CNTNAP4: variants seen among roughly 807,000 people sequenced by gnomAD.
CNTNAP4 encodes contactin-associated protein-like 4.
Under a neutral mutation model 148.4 loss-of-function variants are expected in CNTNAP4, and 98 were observed. That is an observed-to-expected ratio of 0.66 (90% CI 0.56 to 0.78). CNTNAP4 has a LOEUF of 0.78. Among genes scored for constraint, CNTNAP4 ranks in the 30% least tolerant of loss-of-function variants. The pLI is 0.00. For synonymous variants in CNTNAP4, 730 were observed against 565.1 expected (o/e 1.29, Z -4.14); for missense variants, 1,935 against 1,565.6 (o/e 1.24, Z -3.98).
rs781635794 is a variant in CNTNAP4 at position 76,362,909 on chromosome 16, TAATAA to T, written c.390+7404_390+7408del. The stretch of plus-strand genomic sequence containing the variant: ...GTATGCCTGAACCTAAAATAGAAGT[TAATAA>T]AATAAGGAAAAAAGAATACACAATG... On this transcript the variant is annotated intron_variant, in intron 3 of 23. Transcript: ENST00000611870. Among the ~76,000 whole-genome samples, 430 of 152,078 alleles carry T rather than the reference TAATAA, an allele frequency of 2.8e-3. 2 individuals are homozygous for T. The highest frequency in any genetic ancestry group is 0.017 in the Middle Eastern group (5 of 294).
rs201609656 is a variant in CNTNAP4 at position 76,462,032 on chromosome 16, C to T, written c.1410C>T (p.Asp470=). The change falls in exon 9 of 24, where the codon GAC becomes GAT. Residue 470 remains aspartate (D), a synonymous_variant. Coordinates refer to ENST00000611870, the MANE Select transcript of CNTNAP4 (RefSeq NM_033401.5). Reference sequence around the variant, plus strand: ...AGAATCACTTGAGTGTGGCGGTGGACGGCCAGATGGCTTCTGCTGCTCCTC... The same window carrying T: ...AGAATCACTTGAGTGTGGCGGTGGATGGCCAGATGGCTTCTGCTGCTCCTC... ...AKKNHLSVAV[D]GQMASAAPLL... is the part of the protein sequence containing the mutation. 2.3e-4 allele frequency: 366 copies of T among 1,613,708 alleles called. No homozygotes were observed. The East Asian group carries it at 5.6e-3, about 25-fold the overall frequency.
chr16:76,332,877 G>A (rs934384947), intron 2 of CNTNAP4, among the ~76,000 whole-genome samples: 2 of 152,202 alleles, frequency 1.3e-5, no homozygotes, highest in South Asian at 2.1e-4. Context: ...TTCTGGCAGC[G>A]CTTGTACATA....
chr16:76,445,245 C>G (rs1243628642), intron 4 of CNTNAP4, among the ~76,000 whole-genome samples: 1 of 152,004 alleles, frequency 6.6e-6, no homozygotes, highest in Non-Finnish European at 1.5e-5. Context: ...TATCAACTAC[C>G]TTAAGTGACT....
chr16:76,505,171 T>C lies in CNTNAP4; in HGVS notation c.2365+6477T>C, dbSNP rs183239319. On this transcript the variant is annotated intron_variant, in intron 15 of 23. Transcript: ENST00000611870. ...CATATAGTCAGTTTTTTGTTATTAT[T>C]ATTGGCTTTATTCCATAGTCCCCTA... 4.3e-4 allele frequency among the ~76,000 whole-genome samples: 65 copies of C among 152,286 alleles called. 2 individuals are homozygous for C. In the East Asian group the frequency reaches 9.6e-3, roughly 23 times the overall value.
chr16:76,408,268 T>G lies in CNTNAP4; in HGVS notation c.391-19184T>G, dbSNP rs1358687624. Among the ~76,000 whole-genome samples the G allele has an allele frequency of 8.0e-5, 12 of 149,754 alleles. No individual in the cohort carries two copies. In the Admixed American group the frequency reaches 8.1e-4, roughly 10 times the overall value. On this transcript the variant is annotated intron_variant, in intron 3 of 23. Transcript: ENST00000611870. ...ACCTCTGAAGTGTCTGTACCTATGATAAGTAAAGAAATGTTATAAAGGAAT... is the reference window on the plus strand; with the variant it reads ...ACCTCTGAAGTGTCTGTACCTATGAGAAGTAAAGAAATGTTATAAAGGAAT...
At chr16:76,295,879 G>A (rs1959238926) in intron 1 of CNTNAP4, among the ~76,000 whole-genome samples, 1 of 152,264 alleles carries the variant, frequency 6.6e-6, no homozygotes, top group Middle Eastern at 3.4e-3. Flanking sequence ...ATGTAGTGGT[G>A]CAATCTCAGC....
At chr16:76,409,901 A>G (rs1383036886) in intron 3 of CNTNAP4, among the ~76,000 whole-genome samples, 3 of 151,920 alleles carry the variant, frequency 2.0e-5, no homozygotes, top group Non-Finnish European at 4.4e-5. Flanking sequence ...CAACACAACA[A>G]TCACAACTGC....
intron 3 of CNTNAP4, among the ~76,000 whole-genome samples, chr16:76,368,758 A>G (rs1282231257): frequency 6.6e-6 from 1 of 152,164 alleles, no homozygotes; most frequent in East Asian, 1.9e-4. Context: ...CCACCATGGC[A>G]CATGTATACC....
chr16:76,339,350 A>G (rs2144331679), intron 2 of CNTNAP4, among the ~76,000 whole-genome samples: 1 of 152,302 alleles, frequency 6.6e-6, no homozygotes, highest in Middle Eastern at 3.4e-3. Context: ...CTACTACGAT[A>G]GGTTATACAT....
chr16:76,530,330 T>C lies in CNTNAP4; in HGVS notation c.2756-5215T>C, dbSNP rs139898430. Among the ~76,000 whole-genome samples, 706 of 152,268 alleles carry C rather than the reference T, an allele frequency of 4.6e-3. 4 individuals carry two copies. Among genetic ancestry groups the C allele is most frequent in the African/African-American group, 0.017 (686 of 41,552 alleles). On this transcript the variant is annotated intron_variant, in intron 17 of 23. Transcript: ENST00000611870. ...GCATTTCTCTTTAATATAATCAAAT[T>C]GTTTATCTTAATTACGCACTTCTCC...
chr16:76,410,732 GA>G (rs1358874032), intron 3 of CNTNAP4, among the ~76,000 whole-genome samples: 8 of 151,606 alleles, frequency 5.3e-5, no homozygotes, highest in East Asian at 1.9e-4. Context: ...CTGAAGGTCA[GA>G]AAACCCAAAA....
chr16:76,447,479 G>A (rs1829172095), intron 4 of CNTNAP4, among the ~76,000 whole-genome samples: 2 of 152,046 alleles, frequency 1.3e-5, no homozygotes, highest in African/African-American at 4.8e-5. Flanking sequence ...GGAATTAGAT[G>A]TTTGGTGGTC....
intron 2 of CNTNAP4, among the ~76,000 whole-genome samples, chr16:76,350,713 G>A (rs1365360485): frequency 1.3e-5 from 2 of 152,122 alleles, no homozygotes; most frequent in African/African-American, 4.8e-5. Context: ...TGTTGAATGT[G>A]GGAGAAATCA....
At position 76,397,938 on chromosome 16, in the gene CNTNAP4, T is replaced by TTATATATA. The variant is rs1404929461; in HGVS notation, c.391-29508_391-29507insTATATATA. Among the ~76,000 whole-genome samples the TTATATATA allele has an allele frequency of 6.4e-5, 4 of 62,294 alleles. 1 individual carries two copies. Among genetic ancestry groups the TTATATATA allele is most frequent in the South Asian group, 6.3e-4 (1 of 1,600 alleles). The allele number at this position is 62,294 out of a possible 152,430, so 40.9% of individuals were successfully genotyped here. On this transcript the variant is annotated intron_variant, in intron 3 of 23. Coordinates refer to ENST00000611870, the MANE Select transcript of CNTNAP4 (RefSeq NM_033401.5). ...TCTCTAGAGGGACAGAACTAATAGA[T>TTATATATA]TATATACATATATATATATATATAT...
At position 76,427,616 on chromosome 16, in the gene CNTNAP4, C is replaced by T. The variant is rs774236603; in HGVS notation, c.538+17C>T. On this transcript the variant is annotated intron_variant, in intron 4 of 23. Coordinates refer to ENST00000611870, the MANE Select transcript of CNTNAP4 (RefSeq NM_033401.5). ...GTGCATACAGTAAGTGTTTGTTTATCCAATACACTGACATAGATATCAAAA... is the reference window on the plus strand; with the variant it reads ...GTGCATACAGTAAGTGTTTGTTTATTCAATACACTGACATAGATATCAAAA... The T allele has an allele frequency of 9.4e-6, 15 of 1,590,460 alleles. No homozygotes were observed. The highest frequency in any genetic ancestry group is 1.3e-5 in the Non-Finnish European group (15 of 1,169,140).
intron 3 of CNTNAP4, among the ~76,000 whole-genome samples, chr16:76,385,475 ATTAT>A (rs1237239043): frequency 2.6e-5 from 4 of 152,138 alleles, no homozygotes; most frequent in Admixed American, 6.5e-5. Flanking sequence ...TCATGCAAAA[ATTAT>A]TTATATATAG....
At chr16:76,535,845 C>G in intron 18 of CNTNAP4, 61 bp downstream of exon 18, 1 of 1,525,168 alleles carries the variant, frequency 6.6e-7, no homozygotes, top group Non-Finnish European at 8.9e-7. Context: ...AAATGTCTGG[C>G]AGTTCTTTTC....
rs142132108 is a variant in CNTNAP4 at position 76,349,928 on chromosome 16, C to T, written c.197-5390C>T. On this transcript the variant is annotated intron_variant, in intron 2 of 23. Coordinates refer to ENST00000611870, the MANE Select transcript of CNTNAP4 (RefSeq NM_033401.5). ...TGTCATGCCATTTTTAATATTACTA[C>T]GGGATAAAGGTGATTCTTATCTATA... Among the ~76,000 whole-genome samples, 158 of 152,064 alleles carry T rather than the reference C, an allele frequency of 1.0e-3. 1 individual carries two copies. The highest frequency in any genetic ancestry group is 3.4e-3 in the African/African-American group (142 of 41,488).
chr16:76,448,645 G>T, intron 5 of CNTNAP4, 122 bp from the exon 6 acceptor site: 1 of 671,480 alleles, frequency 1.5e-6, no homozygotes, highest in Non-Finnish European at 2.4e-6. Context: ...CCTAGTATTT[G>T]AAACGGAATG....
Sources: gnomAD v4.1 joint callset for allele counts (sites outside exome capture counted in the v4.1 genomes callset) on GRCh38, gnomAD v4.1.1 for gene constraint, MANE v1.5 for transcripts, NCBI Gene and HGNC (gene_info 2026-07-23, HGNC 2026-07-21) for gene names.